ACCSL: variants seen among roughly 807,000 people sequenced by gnomAD.
ACCSL encodes the protein 1-aminocyclopropane-1-carboxylate synthase homolog (inactive) like, also known as probable inactive 1-aminocyclopropane-1-carboxylate synthase-like protein 2.
A neutral mutation model predicts 61.7 loss-of-function variants in ACCSL; 55 were observed. That is an observed-to-expected ratio of 0.89 (90% confidence interval 0.72 to 1.12). The LOEUF is 1.12. ACCSL is among the 50% of genes most tolerant of loss of function. The probability of loss-of-function intolerance (pLI) is 0.00; values close to 1 mark genes in which losing one functional copy is unlikely to be tolerated. For missense variants in ACCSL, 632 were observed against 698.0 expected, an observed-to-expected ratio of 0.91 and a Z score of 1.07; for synonymous variants, 258 against 264.3, an observed-to-expected ratio of 0.98 and a Z score of 0.23.
chr11:43,924,371 G>A, the ACCSL span, among the ~76,000 whole-genome samples: 1 of 152,222 alleles, frequency 6.6e-6, no homozygotes, highest in South Asian at 2.1e-4. Flanking sequence ...TGGTAGGAGC[G>A]CTGCAGCCAG....
chr11:43,934,489 C>T, the ACCSL span, among the ~76,000 whole-genome samples: 1 of 152,106 alleles, frequency 6.6e-6, no homozygotes, highest in Non-Finnish European at 1.5e-5. Context: ...CACACACATG[C>T]GCACACACAC....
chr11:43,963,368 G>A, the ACCSL span, among the ~76,000 whole-genome samples: 1 of 152,216 alleles, frequency 6.6e-6, no homozygotes, highest in Non-Finnish European at 1.5e-5. Flanking sequence ...GCTTTCTCCA[G>A]TTATATGTGA....
chr11:43,940,653 C>A, the ACCSL span, among the ~76,000 whole-genome samples: 1 of 152,174 alleles, frequency 6.6e-6, no homozygotes, highest in Admixed American at 6.5e-5. Flanking sequence ...AGCCACCGCA[C>A]CCGGCTGAAA....
At chr11:43,948,898 G>A in the ACCSL span, among the ~76,000 whole-genome samples, 1 of 152,192 alleles carries the variant, frequency 6.6e-6, no homozygotes, top group South Asian at 2.1e-4. Context: ...ACCCCCCTAG[G>A]GGCTGCTCCC....
rs765951797 is a variant in ACCSL, at chr11:44,053,519, C to T, written c.1049+13C>T. On this transcript the variant is annotated intron_variant, in intron 8 of 13. Coordinates refer to ENST00000378832, the MANE Select transcript of ACCSL (RefSeq NM_001031854.2). The stretch of plus-strand genomic sequence containing the variant: ...AATTTGCCAAGAGGTATGAGTTCTA[C>T]CCCTTGAGACTAGGTAATGTTTCTT... 37 of 1,596,098 alleles carry T rather than the reference C, an allele frequency of 2.3e-5. No homozygotes were observed. In the South Asian group the frequency reaches 3.7e-4, roughly 16 times the overall value.
chr11:43,987,158 T>C, the ACCSL span, among the ~76,000 whole-genome samples: 3 of 152,280 alleles, frequency 2.0e-5, no homozygotes, highest in African/African-American at 7.2e-5. Context: ...GACACGCCCA[T>C]CAGGATTTCC....
At chr11:44,026,887 G>A in the ACCSL span, among the ~76,000 whole-genome samples, 22 of 152,138 alleles carry the variant, frequency 1.4e-4, no homozygotes, top group African/African-American at 5.1e-4. Context: ...GTGCTACTAC[G>A]CCTGGCTAAT....
At chr11:43,947,739 A>AAG in the ACCSL span, among the ~76,000 whole-genome samples, 12 of 102,156 alleles carry the variant, frequency 1.2e-4, no homozygotes, top group African/African-American at 3.7e-4. Context: ...GAGACAGTGA[A>AAG]AGAGAGAGAG....
At chr11:43,943,005 G>T in the ACCSL span, 1 of 1,504,616 alleles carries the variant, frequency 6.6e-7, no homozygotes, top group Non-Finnish European at 8.9e-7. The surrounding 1 kb of genome is among the most constrained non-coding windows in gnomAD (Gnocchi z 4.8). Context: ...CAGCCCGTGC[G>T]GCCCGCCAAG....
chr11:43,979,886 A>C, the ACCSL span, among the ~76,000 whole-genome samples: 337 of 149,246 alleles, frequency 2.3e-3, no homozygotes, highest in Non-Finnish European at 4.2e-3. Context: ...AAAAATTGGC[A>C]ACATTTCAAA....
the ACCSL span, among the ~76,000 whole-genome samples, chr11:44,019,292 C>T: frequency 1.3e-5 from 2 of 152,120 alleles, no homozygotes; most frequent in African/African-American, 4.8e-5. Flanking sequence ...TGCGTATATA[C>T]CTAGCAGTGG....
chr11:44,052,175 C>G (rs1952643673), intron 5 of ACCSL, among the ~76,000 whole-genome samples: 1 of 152,228 alleles, frequency 6.6e-6, no homozygotes, highest in African/African-American at 2.4e-5. Flanking sequence ...CTGGATGCAT[C>G]AAAAGAAGTG....
chr11:44,024,939 T>C, the ACCSL span, among the ~76,000 whole-genome samples: 1 of 152,202 alleles, frequency 6.6e-6, no homozygotes, highest in Non-Finnish European at 1.5e-5. Flanking sequence ...AAAAATGCCC[T>C]TCTTTGTTTC....
Position 44,048,321 on chromosome 11 carries a change from T to A in ACCSL, c.285T>A (p.Pro95=). 6.2e-7 allele frequency: 1 copy of A among 1,613,970 alleles called. No homozygotes were observed. Among genetic ancestry groups the A allele is most frequent in the Non-Finnish European group, 8.5e-7 (1 of 1,179,960 alleles). The part of the protein sequence containing the change: ...GAASGLELQV[P]LPSEDSRGDV... ...CGAGTGGCCTGGAGCTCCAAGTGCC[T>A]CTTCCTTCTGAGGACTCTAGGGGTG... Residue 95 remains proline, a synonymous_variant, in exon 1 of 14, where the codon CCT becomes CCA. Transcript: ENST00000378832.
intron 11 of ACCSL, among the ~76,000 whole-genome samples, chr11:44,057,624 C>T (rs1205168228): frequency 6.6e-6 from 1 of 152,244 alleles, no homozygotes; most frequent in Non-Finnish European, 1.5e-5. Flanking sequence ...TCCCCAGGCA[C>T]ACATATATTC....
chr11:44,020,033 G>A, the ACCSL span, among the ~76,000 whole-genome samples: 1 of 152,130 alleles, frequency 6.6e-6, no homozygotes, highest in Non-Finnish European at 1.5e-5. Flanking sequence ...GAATTATCTT[G>A]GCACCCTTGT....
Position 44,053,060 on chromosome 11 carries a change from A to G in ACCSL, c.940A>G (p.Arg314Gly). The change falls in exon 7 of 14, where the codon AGG becomes GGG. Residue 314 changes from arginine to glycine, a missense_variant. Coordinates refer to ENST00000378832, the MANE Select transcript of ACCSL (RefSeq NM_001031854.2). The stretch of plus-strand genomic sequence containing the variant: ...GTTAGAGGAAGCCCTGCTTGAAGCT[A>G]GGCTTGAGGTAAGGTGGGAACCATA... ...DKLEEALLEA[R>G]LEGKKVRGLV... The G allele has an allele frequency of 6.2e-7, 1 of 1,613,758 alleles. No individual in the cohort carries two copies. Among genetic ancestry groups the G allele is most frequent in the Non-Finnish European group, 8.5e-7 (1 of 1,179,726 alleles).
chr11:43,953,696 C>T, the ACCSL span, among the ~76,000 whole-genome samples: 5 of 152,054 alleles, frequency 3.3e-5, no homozygotes, highest in Admixed American at 3.3e-4. Flanking sequence ...AATGCCATGG[C>T]CATGTCAGGA....
the ACCSL span, among the ~76,000 whole-genome samples, chr11:43,967,728 T>C: frequency 6.6e-6 from 1 of 152,226 alleles, no homozygotes; most frequent in South Asian, 2.1e-4. Flanking sequence ...AGTATCTTTG[T>C]ATTGATTCTG....
Sources: allele counts gnomAD v4.1 joint callset (sites outside exome capture counted in the v4.1 genomes callset), GRCh38; gene constraint gnomAD v4.1.1; non-coding constraint Gnocchi (gnomAD v3.1); transcripts MANE v1.5; gene names NCBI Gene and HGNC (gene_info 2026-07-23, HGNC 2026-07-21).